POU6F2: variants seen among roughly 807,000 people sequenced by gnomAD.
POU6F2 encodes the protein POU domain, class 6, transcription factor 2.
Under a neutral mutation model 71.3 loss-of-function variants are expected in POU6F2, and 31 were observed. The observed-to-expected ratio is 0.43, with a 90% CI of 0.33 to 0.59. The LOEUF is 0.59. Among genes scored for constraint, POU6F2 ranks in the 20% least tolerant of loss-of-function variants. The pLI is 0.04. For missense variants in POU6F2, 783 were observed against 856.8 expected, an observed-to-expected ratio of 0.91 and a Z score of 1.07; for synonymous variants, 347 against 355.7, an observed-to-expected ratio of 0.98 and a Z score of 0.27.
At chr7:39,122,964 A>G (rs1451896398) in intron 2 of POU6F2, among the ~76,000 whole-genome samples, 4 of 152,130 alleles carry the variant, frequency 2.6e-5, no homozygotes, top group African/African-American at 4.8e-5. Context: ...TGCTGGGATT[A>G]CAGGCATGAG....
intron 2 of POU6F2, among the ~76,000 whole-genome samples, chr7:39,199,315 C>T (rs1337290256): frequency 6.6e-6 from 1 of 152,130 alleles, no homozygotes; most frequent in African/African-American, 2.4e-5. Context: ...AGTATATACT[C>T]TCGGGATTAA....
chr7:39,079,746 A>G (rs1791077096), intron 1 of POU6F2, among the ~76,000 whole-genome samples: 1 of 152,192 alleles, frequency 6.6e-6, no homozygotes. Context: ...ACACAGAGAA[A>G]GAGATAGCAG....
chr7:39,336,511 G>A (rs1243912064), intron 4 of POU6F2, among the ~76,000 whole-genome samples: 5 of 152,208 alleles, frequency 3.3e-5, no homozygotes, highest in African/African-American at 1.2e-4. Flanking sequence ...GAGGGGCTGG[G>A]ATGAGGATGG....
intron 2 of POU6F2, among the ~76,000 whole-genome samples, chr7:39,200,064 A>G (rs998366048): frequency 6.6e-6 from 1 of 152,230 alleles, no homozygotes; most frequent in Non-Finnish European, 1.5e-5. Context: ...TTGCTAAGCT[A>G]GAAGTCAGTC....
intron 1 of POU6F2, among the ~76,000 whole-genome samples, chr7:38,978,952 A>G (rs1788246028): frequency 6.6e-6 from 1 of 152,222 alleles, no homozygotes; most frequent in African/African-American, 2.4e-5. Context: ...TCAGAAAACG[A>G]AAAGGATCAT....
chr7:39,021,706 C>T (rs1198797578), intron 1 of POU6F2, among the ~76,000 whole-genome samples: 1 of 151,824 alleles, frequency 6.6e-6, no homozygotes, highest in East Asian at 1.9e-4. Context: ...ATAATTTTTA[C>T]AAAAGGCACA....
intron 5 of POU6F2, among the ~76,000 whole-genome samples, chr7:39,345,266 A>ATGAG (rs3831528): frequency 0.11 from 16,820 of 152,180 alleles, 1,149 homozygotes; most frequent in Non-Finnish European, 0.15. Flanking sequence ...GGTTCCTGAA[A>ATGAG]TGAGTGCCTC....
At chr7:39,195,525 G>T (rs1381025523) in intron 2 of POU6F2, among the ~76,000 whole-genome samples, 2 of 152,164 alleles carry the variant, frequency 1.3e-5, no homozygotes, top group Admixed American at 1.3e-4. Context: ...TCATTCTCAC[G>T]ATAATTTTGG....
chr7:39,340,746 T>TG (rs1363481089), intron 5 of POU6F2, among the ~76,000 whole-genome samples: 1 of 32,194 alleles, frequency 3.1e-5, no homozygotes, highest in African/African-American at 1.3e-4. Flanking sequence ...AATGGATAGG[T>TG]GCATTCATAT....
Position 39,103,865 on chromosome 7 carries a change from G to A in POU6F2, c.277+17834G>A, listed in dbSNP as rs1377229840. Among the ~76,000 whole-genome samples, 2 of 152,256 alleles carry A rather than the reference G, an allele frequency of 1.3e-5. 1 individual carries two copies. The highest frequency in any genetic ancestry group is 1.3e-4 in the Admixed American group (2 of 15,298). ...ATATTTCAAGGCTAGAACAGAGAAG[G>A]CATCCCAGGTAGGGCAAACATCATG... On this transcript the variant is annotated intron_variant, in intron 2 of 9. Coordinates refer to ENST00000518318, the MANE Select transcript of POU6F2 (RefSeq NM_001370959.1).
chr7:38,995,051 T>A (rs910477256), intron 1 of POU6F2, among the ~76,000 whole-genome samples: 8 of 152,210 alleles, frequency 5.3e-5, no homozygotes, highest in African/African-American at 1.9e-4. Context: ...TGGAAAGCCA[T>A]GCATATTCAT....
intron 4 of POU6F2, among the ~76,000 whole-genome samples, chr7:39,328,501 G>A (rs572415247): frequency 1.3e-5 from 2 of 152,338 alleles, no homozygotes; most frequent in South Asian, 4.1e-4. Context: ...GTCCTGTATA[G>A]GGTCTAGATC....
At chr7:39,345,166 G>A (rs932295161) in intron 5 of POU6F2, among the ~76,000 whole-genome samples, 2 of 152,172 alleles carry the variant, frequency 1.3e-5, no homozygotes, top group African/African-American at 4.8e-5. Flanking sequence ...AACATTTAGT[G>A]ATCATGAATT....
chr7:39,181,652 A>G (rs1018088098), intron 2 of POU6F2, among the ~76,000 whole-genome samples: 4 of 152,230 alleles, frequency 2.6e-5, no homozygotes, highest in African/African-American at 9.6e-5. Context: ...ACTTGCTCAC[A>G]AAGAGCTCCT....
chr7:39,320,333 G>A (rs1785359938), intron 4 of POU6F2, among the ~76,000 whole-genome samples: 1 of 152,188 alleles, frequency 6.6e-6, no homozygotes, highest in Admixed American at 6.5e-5. Context: ...ACCCGGACCT[G>A]TAGCCTGGTC....
intron 5 of POU6F2, among the ~76,000 whole-genome samples, chr7:39,353,280 A>G (rs769586686): frequency 3.3e-5 from 5 of 152,238 alleles, no homozygotes; most frequent in African/African-American, 7.2e-5. Flanking sequence ...GGATGCATAC[A>G]TGAATGCATG....
intron 2 of POU6F2, among the ~76,000 whole-genome samples, chr7:39,121,343 C>T (rs1161361106): frequency 6.6e-6 from 1 of 152,210 alleles, no homozygotes; most frequent in African/African-American, 2.4e-5. Flanking sequence ...TTTTTCCCAG[C>T]TCACAGTAGA....
At chr7:39,146,262 C>T (rs1388576077) in intron 2 of POU6F2, among the ~76,000 whole-genome samples, 1 of 152,114 alleles carries the variant, frequency 6.6e-6, no homozygotes, top group Non-Finnish European at 1.5e-5. Context: ...GTTAATGTGA[C>T]TGTAATGGAA....
intron 1 of POU6F2, among the ~76,000 whole-genome samples, chr7:39,064,294 AAC>A (rs1466652770): frequency 6.6e-6 from 1 of 152,026 alleles, no homozygotes; most frequent in South Asian, 2.1e-4. Context: ...CCATTTTCTT[AAC>A]ACACATTTCA....
Sources: gnomAD v4.1 joint callset for allele counts (sites outside exome capture counted in the v4.1 genomes callset) on GRCh38, gnomAD v4.1.1 for gene constraint, MANE v1.5 for transcripts, NCBI Gene and HGNC (gene_info 2026-07-23, HGNC 2026-07-21) for gene names.